The following CDC14B variants were observed in gnomAD, a reference collection of about 807,000 sequenced individuals.
CDC14B encodes dual specificity protein phosphatase CDC14B.
Under a neutral mutation model 64.2 loss-of-function variants are expected in CDC14B, and 22 were observed. The observed-to-expected ratio is 0.34, with a 90% CI of 0.24 to 0.49. The LOEUF (loss-of-function observed/expected upper bound fraction) is 0.49. CDC14B is among the 20% of genes least tolerant of loss of function. The probability of loss-of-function intolerance (pLI) is 0.99; values close to 1 mark genes in which losing one functional copy is unlikely to be tolerated. For synonymous variants in CDC14B, 191 were observed against 215.8 expected (o/e 0.89, Z 1.01); for missense variants, 498 against 629.9 (o/e 0.79, Z 2.24).
At chr9:96,514,907 C>G in intron 12 of CDC14B, 1 of 985,404 alleles carries the variant, frequency 1.0e-6, no homozygotes, top group Non-Finnish European at 1.2e-6. Context: ...CAAGAGAATA[C>G]AGATTTGCTG....
intron 1 of CDC14B, among the ~76,000 whole-genome samples, chr9:96,592,727 C>G (rs369448728): frequency 1.3e-5 from 2 of 151,992 alleles, no homozygotes; most frequent in South Asian, 4.1e-4. Context: ...GAGCCAAGAT[C>G]GCGCCACTGC....
chr9:96,584,275 T>G (rs1223053424), intron 1 of CDC14B, among the ~76,000 whole-genome samples: 1 of 152,164 alleles, frequency 6.6e-6, no homozygotes, highest in African/African-American at 2.4e-5. Flanking sequence ...GGGAAGCAGC[T>G]AAACTCCATC....
At chr9:96,495,157 T>C (rs892241747), downstream of CDC14B, among the ~76,000 whole-genome samples, 3 of 152,114 alleles carry the variant, frequency 2.0e-5, no homozygotes, top group South Asian at 6.2e-4. Context: ...TACAAAACTG[T>C]GCCCAATCCC....
chr9:96,496,016 G>GATC (rs1357204134), downstream of CDC14B, among the ~76,000 whole-genome samples: 2 of 152,188 alleles, frequency 1.3e-5, no homozygotes, highest in Non-Finnish European at 2.9e-5. Context: ...GCTTCCATCA[G>GATC]ATCATCGCAC....
chr9:96,571,884 C>T (rs1844500275), intron 1 of CDC14B, among the ~76,000 whole-genome samples: 1 of 152,164 alleles, frequency 6.6e-6, no homozygotes, highest in Admixed American at 6.5e-5. Flanking sequence ...GGAAGGAATG[C>T]TGCCCAGAGA....
chr9:96,534,254 G>A (rs1838955105), intron 8 of CDC14B, 97 bp from the exon 9 acceptor site: 3 of 809,572 alleles, frequency 3.7e-6, no homozygotes, highest in African/African-American at 1.7e-5. Context: ...TCTGGACTGG[G>A]AATTAAATAC....
At chr9:96,597,508 A>G (rs1846165064) in intron 1 of CDC14B, among the ~76,000 whole-genome samples, 2 of 151,986 alleles carry the variant, frequency 1.3e-5, no homozygotes, top group African/African-American at 4.8e-5. Flanking sequence ...AAAGAAAAAA[A>G]AAAAAAAAGA....
chr9:96,524,630 G>T (rs1017517981), intron 9 of CDC14B, among the ~76,000 whole-genome samples: 1 of 152,116 alleles, frequency 6.6e-6, no homozygotes, highest in Non-Finnish European at 1.5e-5. Flanking sequence ...TGAGCTTTCA[G>T]TAAGCACAGT....
At chr9:96,614,866 A>C (rs1276219509) in intron 1 of CDC14B, among the ~76,000 whole-genome samples, 2 of 152,042 alleles carry the variant, frequency 1.3e-5, no homozygotes, top group Non-Finnish European at 2.9e-5. Context: ...TTTGAGGTGG[A>C]GTCTCACTCT....
chr9:96,585,873 C>CAATG (rs1845429608), intron 1 of CDC14B, among the ~76,000 whole-genome samples: 1 of 152,180 alleles, frequency 6.6e-6, no homozygotes, highest in South Asian at 2.1e-4. Context: ...ATCAATAAGA[C>CAATG]AATGGATAGA....
At position 96,501,599 on chromosome 9, in the gene CDC14B, A is replaced by G. The variant is rs1192512195; in HGVS notation, c.*2154T>C. 3 of 152,580 alleles carry G rather than the reference A, an allele frequency of 2.0e-5. No homozygotes were observed. Among genetic ancestry groups the G allele is most frequent in the Non-Finnish European group, 1.5e-5 (1 of 68,038 alleles). 9.5% of individuals were successfully genotyped at this position (152,580 alleles called of 1,614,324 possible). On this transcript the variant is annotated 3_prime_UTR_variant, in exon 14 of 14. Transcript: ENST00000375241. ...CCAAGTCATTTGGTTATTACAAGGA[A>G]TGCCTCTTCACCAAATCACAAGTTT...
intron 3 of CDC14B, 139 bp from the exon 4 acceptor site, chr9:96,562,924 A>G (rs1843413952): frequency 3.2e-6 from 2 of 627,388 alleles, no homozygotes; most frequent in African/African-American, 1.8e-5. Flanking sequence ...TAACATTGAT[A>G]CCCACAAATA....
intron 1 of CDC14B, 33 bp from the exon 2 acceptor site, chr9:96,565,516 G>C: frequency 7.0e-7 from 1 of 1,418,980 alleles, no homozygotes; most frequent in Non-Finnish European, 1.0e-6. Context: ...TTCCTTCCTG[G>C]AGGTTACAAA....
intron 3 of CDC14B, among the ~76,000 whole-genome samples, chr9:96,564,097 G>A (rs1294950301): frequency 1.3e-5 from 2 of 151,986 alleles, no homozygotes; most frequent in Non-Finnish European, 2.9e-5. Flanking sequence ...CCAAAAAGCA[G>A]TATTTTCCAG....
At chr9:96,598,857 G>A (rs140535788) in intron 1 of CDC14B, among the ~76,000 whole-genome samples, 1 of 152,102 alleles carries the variant, frequency 6.6e-6, no homozygotes, top group African/African-American at 2.4e-5. Flanking sequence ...ATCCACATGA[G>A]TATCAATAAG....
chr9:96,615,253 C>T (rs1055454112), intron 1 of CDC14B, among the ~76,000 whole-genome samples: 1 of 152,068 alleles, frequency 6.6e-6, no homozygotes, highest in Non-Finnish European at 1.5e-5. Flanking sequence ...ATGAATGGCT[C>T]CGTGAGAGGT....
intron 1 of CDC14B, among the ~76,000 whole-genome samples, chr9:96,593,821 C>A (rs1201719318): frequency 6.6e-6 from 1 of 152,058 alleles, no homozygotes; most frequent in East Asian, 1.9e-4. Flanking sequence ...CTAAGATAGA[C>A]CCGAACACAT....
intron 4 of CDC14B, among the ~76,000 whole-genome samples, chr9:96,559,680 A>G (rs913479033): frequency 2.0e-5 from 3 of 152,194 alleles, no homozygotes; most frequent in Non-Finnish European, 2.9e-5. Flanking sequence ...TTTAGCAGCC[A>G]GCTATGGCTG....
At chr9:96,564,920 G>T in intron 2 of CDC14B, 68 bp from the exon 3 acceptor site, 1 of 997,778 alleles carries the variant, frequency 1.0e-6, no homozygotes, top group Non-Finnish European at 1.5e-6. Flanking sequence ...CCTTTTTTGG[G>T]TCTACAAGAT....
Sources: gnomAD v4.1 joint callset for allele counts (sites outside exome capture counted in the v4.1 genomes callset) on GRCh38, gnomAD v4.1.1 for gene constraint, MANE v1.5 for transcripts, NCBI Gene and HGNC (gene_info 2026-07-23, HGNC 2026-07-21) for gene names.